Variants in SLTM observed in about 807,000 individuals in gnomAD.
SLTM encodes the protein SAFB-like transcription modulator.
A neutral mutation model predicts 134.6 loss-of-function variants in SLTM; 43 were observed. The observed-to-expected ratio is 0.32, with a 90% CI of 0.25 to 0.41. The LOEUF (loss-of-function observed/expected upper bound fraction) is 0.41. SLTM is among the 10% of genes least tolerant of loss of function. SLTM has a pLI of 1.00. For missense variants in SLTM, 1,055 were observed against 1,288.8 expected (o/e 0.82, Z 2.78); for synonymous variants, 424 against 432.3 (o/e 0.98, Z 0.24).
intron 2 of SLTM, among the ~76,000 whole-genome samples, chr15:58,931,060 G>T (rs2037844570): frequency 6.6e-6 from 1 of 152,076 alleles, no homozygotes; most frequent in Non-Finnish European, 1.5e-5. Flanking sequence ...AAGACACATG[G>T]TTAATTCCTG....
chr15:58,883,550 CAG>C lies in SLTM; in HGVS notation c.2996+74_2996+75del. ...TTTCAGTAGTTGCAATTCAGTCTCT[CAG>C]AAACTATAATGACTTTTATGGAAAG... On this transcript the variant is annotated intron_variant, in intron 20 of 20. Coordinates refer to ENST00000380516, the MANE Select transcript of SLTM (RefSeq NM_024755.4). 1.9e-6 allele frequency: 3 copies of C among 1,575,052 alleles called. No individual in the cohort carries two copies. The South Asian group carries it at 3.5e-5, about 18-fold the overall frequency.
chr15:58,889,690 C>T (rs563093852), intron 15 of SLTM, 136 bp from the exon 16 acceptor site: 2 of 991,706 alleles, frequency 2.0e-6, no homozygotes, highest in African/African-American at 3.3e-5. Context: ...ACCTATGACA[C>T]CTAAATTTGA....
At chr15:58,882,149 C>T (rs1013910823) in intron 20 of SLTM, among the ~76,000 whole-genome samples, 1 of 103,298 alleles carries the variant, frequency 9.7e-6, no homozygotes, top group East Asian at 3.9e-4. Context: ...TGCACCACTA[C>T]ACTCCAGCCT....
intron 2 of SLTM, among the ~76,000 whole-genome samples, chr15:58,921,752 T>C (rs1158505506): frequency 2.0e-5 from 3 of 152,172 alleles, no homozygotes; most frequent in African/African-American, 7.2e-5. Flanking sequence ...ACTTTACACA[T>C]GGTAAATATT....
chr15:58,892,412 A>G (rs1335075628), intron 14 of SLTM, among the ~76,000 whole-genome samples: 1 of 152,236 alleles, frequency 6.6e-6, no homozygotes, highest in East Asian at 1.9e-4. Context: ...TAATGCAAAC[A>G]ATAAATTTTT....
At chr15:58,883,885 G>A (rs746801563) in intron 19 of SLTM, 99 bp from the exon 20 acceptor site, 49 of 1,361,210 alleles carry the variant, frequency 3.6e-5, no homozygotes, top group Non-Finnish European at 4.6e-5. Context: ...ATCACCTGAG[G>A]TCAGGAGTTC....
intron 16 of SLTM, among the ~76,000 whole-genome samples, chr15:58,888,970 C>A (rs182121499): frequency 4.4e-4 from 67 of 151,246 alleles, no homozygotes; most frequent in African/African-American, 1.6e-3. Flanking sequence ...TTCATTCATT[C>A]CACCTATTTC....
At chr15:58,931,835 T>C (rs1255021384) in intron 2 of SLTM, among the ~76,000 whole-genome samples, 1 of 152,214 alleles carries the variant, frequency 6.6e-6, no homozygotes, top group Non-Finnish European at 1.5e-5. Flanking sequence ...TTTTTCCCTC[T>C]ACCTTGTTAG....
At chr15:58,900,704 G>A (rs1595873436) in intron 6 of SLTM, 1 of 153,928 alleles carries the variant, frequency 6.5e-6, no homozygotes, top group Non-Finnish European at 1.4e-5. Flanking sequence ...TTTGACTTCT[G>A]TCCAAGGACT....
chr15:58,888,928 G>C (rs1337800543), intron 16 of SLTM, among the ~76,000 whole-genome samples: 3 of 152,128 alleles, frequency 2.0e-5, no homozygotes, highest in Non-Finnish European at 4.4e-5. Context: ...CCTTAACTTT[G>C]GAAACGTTAG....
In SLTM at chr15:58,913,676, T is replaced by C. The variant is rs1267485702; in HGVS notation, c.336A>G (p.Gln112=). 1.2e-6 allele frequency: 2 copies of C among 1,613,446 alleles called. No individual in the cohort carries two copies. Among genetic ancestry groups the C allele is most frequent in the Non-Finnish European group, 1.7e-6 (2 of 1,179,812 alleles). Reference sequence around the variant, plus strand: ...CATTTCCATCTTGCTCATGTGCCTCTTGATTCTCCAATTCACAGTCCTTTT... The same window carrying C: ...CATTTCCATCTTGCTCATGTGCCTCCTGATTCTCCAATTCACAGTCCTTTT... ...AFIKDCELEN[Q]EAHEQDGNDE... The change falls in exon 4 of 21, where the codon CAA becomes CAG. Residue 112 remains glutamine, a synonymous_variant. Transcript: ENST00000380516.
chr15:58,928,235 G>GAT (rs2037622964), intron 2 of SLTM, among the ~76,000 whole-genome samples: 1 of 152,130 alleles, frequency 6.6e-6, no homozygotes, highest in Admixed American at 6.6e-5. Flanking sequence ...AAAAGAAAAG[G>GAT]ATATGCCAGC....
intron 5 of SLTM, among the ~76,000 whole-genome samples, chr15:58,904,156 A>C (rs2035695606): frequency 6.6e-6 from 1 of 151,844 alleles, no homozygotes; most frequent in Non-Finnish European, 1.5e-5. Context: ...GGTGTATGCC[A>C]CCACACCTGG....
intron 2 of SLTM, 40 bp from the exon 3 acceptor site, chr15:58,917,039 T>C: frequency 1.9e-6 from 3 of 1,588,148 alleles, no homozygotes; most frequent in Non-Finnish European, 2.6e-6. Context: ...CAATATTTTA[T>C]TACTTTAAGA....
chr15:58,920,357 C>T (rs1384762244), intron 2 of SLTM, among the ~76,000 whole-genome samples: 5 of 152,096 alleles, frequency 3.3e-5, no homozygotes, highest in African/African-American at 9.7e-5. Flanking sequence ...GGCACAGCAG[C>T]TCATGCCTGT....
intron 20 of SLTM, among the ~76,000 whole-genome samples, chr15:58,881,052 C>T (rs974685720): frequency 7.9e-5 from 12 of 152,122 alleles, no homozygotes; most frequent in Non-Finnish European, 1.6e-4. Flanking sequence ...GGCGCAGTGG[C>T]TCACGCCTGT....
At chr15:58,928,728 C>T (rs2037655773) in intron 2 of SLTM, among the ~76,000 whole-genome samples, 1 of 152,122 alleles carries the variant, frequency 6.6e-6, no homozygotes, top group African/African-American at 2.4e-5. Flanking sequence ...TATGAAGCTT[C>T]TCGTCATTTA....
At chr15:58,890,226 TCA>T in intron 15 of SLTM, 53 bp downstream of exon 15, 4 of 1,594,086 alleles carry the variant, frequency 2.5e-6, no homozygotes, top group South Asian at 1.1e-5. Flanking sequence ...AGGGCTAAAA[TCA>T]CAGAGTCTGA....
At chr15:58,901,316 A>T (rs781465908) in intron 5 of SLTM, 29 bp from the exon 6 acceptor site, 15 of 1,577,294 alleles carry the variant, frequency 9.5e-6, no homozygotes, top group Non-Finnish European at 1.3e-5. Context: ...TCAAATGTAA[A>T]ATGAATTCAC....
Sources: allele counts gnomAD v4.1 joint callset (sites outside exome capture counted in the v4.1 genomes callset), GRCh38; gene constraint gnomAD v4.1.1; transcripts MANE v1.5; gene names NCBI Gene and HGNC (gene_info 2026-07-23, HGNC 2026-07-21).